PTPRC: variants seen among roughly 807,000 people sequenced by gnomAD.
PTPRC encodes the protein protein tyrosine phosphatase receptor type C, also known as receptor-type tyrosine-protein phosphatase C.
Under a neutral mutation model 155.9 loss-of-function variants are expected in PTPRC, and 44 were observed. The observed-to-expected ratio is 0.28, with a 90% confidence interval of 0.22 to 0.36. The LOEUF (loss-of-function observed/expected upper bound fraction) is 0.36, where lower values mean the gene tolerates loss of function less well. Among genes scored for constraint, PTPRC ranks in the 10% least tolerant of loss-of-function variants. PTPRC has a pLI of 1.00. For synonymous variants in PTPRC, 525 were observed against 533.1 expected (o/e 0.98, Z 0.21); for missense variants, 1,401 against 1,564.6 (o/e 0.90, Z 1.76).
chr1:198,675,269 T>C lies in PTPRC; in HGVS notation c.74-17078T>C, dbSNP rs552810971. Among the ~76,000 whole-genome samples, 14 of 152,278 alleles carry C rather than the reference T, an allele frequency of 9.2e-5. No individual in the cohort carries two copies. In the South Asian group the frequency reaches 2.9e-3, roughly 32 times the overall value. Reference sequence around the variant, plus strand: ...TTAATGTTGATGAGAAGCAAACATCTAAATTTAAAAGAAAATATAGTTTGT... The same window carrying C: ...TTAATGTTGATGAGAAGCAAACATCCAAATTTAAAAGAAAATATAGTTTGT... On this transcript the variant is annotated intron_variant, in intron 2 of 32. Transcript: ENST00000442510.
intron 2 of PTPRC, among the ~76,000 whole-genome samples, chr1:198,657,233 T>G (rs986943097): frequency 1.3e-5 from 2 of 151,758 alleles, no homozygotes; most frequent in Non-Finnish European, 2.9e-5. Context: ...TTTAAGAAAG[T>G]AGGTTTTTAT....
At chr1:198,656,908 T>G (rs1218579956) in intron 2 of PTPRC, among the ~76,000 whole-genome samples, 1 of 151,750 alleles carries the variant, frequency 6.6e-6, no homozygotes, top group Non-Finnish European at 1.5e-5. Flanking sequence ...CTAAAGAACA[T>G]TAGGCAAGGA....
intron 2 of PTPRC, among the ~76,000 whole-genome samples, chr1:198,672,758 G>T (rs1345121045): frequency 6.6e-6 from 1 of 152,058 alleles, no homozygotes; most frequent in Non-Finnish European, 1.5e-5. Flanking sequence ...AAAGTGCTGG[G>T]ATTACAACCC....
At chr1:198,751,521 G>A (rs1655383151) in intron 29 of PTPRC, among the ~76,000 whole-genome samples, 1 of 151,884 alleles carries the variant, frequency 6.6e-6, no homozygotes, top group African/African-American at 2.4e-5. Context: ...TACATGGAAA[G>A]TTGCTTTTTA....
rs185397135 is a variant in PTPRC at position 198,699,805 on chromosome 1, G to A, written c.439+101G>A. The A allele has an allele frequency of 4.6e-4, 674 of 1,480,296 alleles. 1 individual carries two copies. The African/African-American group carries it at 8.7e-3, about 19-fold the overall frequency. The allele number at this position is 1,480,296 out of a possible 1,614,324, so 91.7% of individuals were successfully genotyped here. A position where few individuals can be genotyped will look rare whatever the true frequency, so the allele number is the denominator to read the frequency against. ...AATCTAACCACTTATTCAATGTGCA[G>A]CTATTGCTAGTTGATGAATTTGGAA... On this transcript the variant is annotated intron_variant, in intron 5 of 32. Transcript: ENST00000442510.
At chr1:198,746,957 T>A (rs1424519291) in intron 26 of PTPRC, among the ~76,000 whole-genome samples, 1 of 151,772 alleles carries the variant, frequency 6.6e-6, no homozygotes, top group Non-Finnish European at 1.5e-5. Flanking sequence ...CCATAATTAG[T>A]TTGAATGAGG....
chr1:198,660,202 A>G (rs940961711), intron 2 of PTPRC, among the ~76,000 whole-genome samples: 2 of 151,596 alleles, frequency 1.3e-5, no homozygotes, highest in Non-Finnish European at 2.9e-5. Context: ...CTAACATTGT[A>G]TGAGTTTCCT....
At chr1:198,708,398 T>A (rs1653113539) in intron 10 of PTPRC, 137 bp downstream of exon 10, 1 of 843,010 alleles carries the variant, frequency 1.2e-6, no homozygotes, top group Admixed American at 3.0e-5. Context: ...TTTTTCTTTC[T>A]TGTCTTTTTC....
intron 2 of PTPRC, among the ~76,000 whole-genome samples, chr1:198,680,503 G>T (rs1241346662): frequency 1.3e-5 from 2 of 151,826 alleles, no homozygotes; most frequent in Non-Finnish European, 2.9e-5. Context: ...GAAGAGGAAT[G>T]ATGTAAAGTT....
At chr1:198,648,118 G>T (rs1304366319) in intron 2 of PTPRC, among the ~76,000 whole-genome samples, 1 of 151,834 alleles carries the variant, frequency 6.6e-6, no homozygotes, top group Non-Finnish European at 1.5e-5. Flanking sequence ...TTAAATTATG[G>T]AAGTTCTGGT....
intron 4 of PTPRC, 77 bp from the exon 5 acceptor site, chr1:198,699,487 C>A: frequency 6.5e-7 from 1 of 1,540,834 alleles, no homozygotes; most frequent in Non-Finnish European, 9.0e-7. Flanking sequence ...TCGCAATTTG[C>A]TCCTTATAAC....
At chr1:198,665,366 T>C (rs536826461) in intron 2 of PTPRC, among the ~76,000 whole-genome samples, 13 of 152,210 alleles carry the variant, frequency 8.5e-5, no homozygotes, top group African/African-American at 3.1e-4. Flanking sequence ...AAAATAGATT[T>C]TATTTTTTAT....
chr1:198,718,390 C>T, intron 14 of PTPRC, 88 bp downstream of exon 14: 2 of 1,088,174 alleles, frequency 1.8e-6, no homozygotes, highest in Non-Finnish European at 2.7e-6. Flanking sequence ...GACCACTGCT[C>T]ACATGAGATT....
At chr1:198,642,806 T>C (rs930419123) in intron 2 of PTPRC, among the ~76,000 whole-genome samples, 16 of 152,008 alleles carry the variant, frequency 1.1e-4, no homozygotes, top group African/African-American at 3.9e-4. Context: ...TTGCCTTTGG[T>C]ATAAATTCTA....
Position 198,675,407 on chromosome 1 carries a change from T to C in PTPRC, c.74-16940T>C, listed in dbSNP as rs148385067. 1.7e-3 allele frequency among the ~76,000 whole-genome samples: 259 copies of C among 152,286 alleles called. 1 individual carries two copies. Among genetic ancestry groups the C allele is most frequent in the Middle Eastern group, 0.01 (3 of 294 alleles). ...TACTAATATTTAGCTTTTATTCTTT[T>C]AAAAAGCATATGCCAATGATAATAT... On this transcript the variant is annotated intron_variant, in intron 2 of 32. Transcript: ENST00000442510.
chr1:198,640,458 G>A (rs1313938913), intron 2 of PTPRC, among the ~76,000 whole-genome samples: 2 of 151,804 alleles, frequency 1.3e-5, no homozygotes, highest in Non-Finnish European at 2.9e-5. Context: ...GAAAGAAAGA[G>A]GAAAGAAAAA....
In PTPRC at chr1:198,750,507, G is replaced by A; in HGVS notation, c.3088G>A (p.Glu1030Lys). ...ASFIMSYWKP[E>K]VMIAAQGPLK... Reference sequence around the variant, plus strand: ...GTCTAAAAAGAGCTACTGGAAACCTGAAGTGATGATTGCTGCTCAGGGACC... The same window carrying A: ...GTCTAAAAAGAGCTACTGGAAACCTAAAGTGATGATTGCTGCTCAGGGACC... The change falls in exon 29 of 33, where the codon GAA becomes AAA. Residue 1030 changes from glutamate to lysine, a missense_variant. By Grantham distance (56) the Glu-to-Lys change is moderately conservative. Coordinates refer to ENST00000442510, the MANE Select transcript of PTPRC (RefSeq NM_002838.5). The A allele has an allele frequency of 6.2e-7, 1 of 1,612,540 alleles. No homozygotes were observed. Among genetic ancestry groups the A allele is most frequent in the Non-Finnish European group, 8.5e-7 (1 of 1,178,972 alleles).
chr1:198,722,577 G>T, intron 15 of PTPRC, 101 bp downstream of exon 15: 2 of 591,826 alleles, frequency 3.4e-6, no homozygotes, highest in Non-Finnish European at 4.8e-6. Flanking sequence ...ATTGTTAAAT[G>T]CTTAAATAAT....
At chr1:198,664,224 C>T (rs1557978371) in intron 2 of PTPRC, among the ~76,000 whole-genome samples, 1 of 152,130 alleles carries the variant, frequency 6.6e-6, no homozygotes, top group Non-Finnish European at 1.5e-5. Flanking sequence ...AAATAAGGAA[C>T]AGACCATCTT....
Sources: gnomAD v4.1 joint callset for allele counts (sites outside exome capture counted in the v4.1 genomes callset) on GRCh38, gnomAD v4.1.1 for gene constraint, MANE v1.5 for transcripts, NCBI Gene and HGNC (gene_info 2026-07-23, HGNC 2026-07-21) for gene names.